The following USP6 variants were observed in gnomAD, a reference collection of about 807,000 sequenced individuals.
The protein encoded by USP6 is ubiquitin carboxyl-terminal hydrolase 6.
In USP6, 128 loss-of-function variants were observed where a neutral mutation model predicts 175.7. The observed-to-expected ratio is 0.73, with a 90% CI of 0.63 to 0.84. The LOEUF is 0.84. USP6 is among the 40% of genes least tolerant of loss of function. The pLI is 0.00. For synonymous variants in USP6, 562 were observed against 630.6 expected, an observed-to-expected ratio of 0.89 and a Z score of 1.63; for missense variants, 1,498 against 1,760.3, an observed-to-expected ratio of 0.85 and a Z score of 2.67.
intron 31 of USP6, among the ~76,000 whole-genome samples, chr17:5,160,611 T>G (rs2073986048): frequency 6.6e-6 from 1 of 152,258 alleles, no homozygotes; most frequent in Non-Finnish European, 1.5e-5. Context: ...CCACATTTTC[T>G]TAATCCAGTC....
At chr17:5,140,251 G>A (rs999034156) in intron 22 of USP6, among the ~76,000 whole-genome samples, 15 of 152,136 alleles carry the variant, frequency 9.9e-5, no homozygotes, top group African/African-American at 3.4e-4. Flanking sequence ...TAATAATGAC[G>A]TTTTGTAATA....
rs1051969186 is a variant in USP6 at position 5,142,580 on chromosome 17, G to A, written c.1818+78G>A. On this transcript the variant is annotated intron_variant, in intron 25 of 37. Coordinates refer to ENST00000574788, the MANE Select transcript of USP6 (RefSeq NM_001304284.2). The stretch of plus-strand genomic sequence containing the variant: ...TCATTTTTCTCTACTTGTTTTTTGT[G>A]TTTAGCCTTTTAGCTTAATGAACGT... 2.0e-6 allele frequency: 3 copies of A among 1,498,940 alleles called. No individual in the cohort carries two copies. The African/African-American group carries it at 4.2e-5, about 21-fold the overall frequency. The allele number at this position is 1,498,940 out of a possible 1,614,324, so 92.9% of individuals were successfully genotyped here.
chr17:5,162,465 G>A (rs1320788056), intron 32 of USP6, among the ~76,000 whole-genome samples: 1 of 152,098 alleles, frequency 6.6e-6, no homozygotes, highest in African/African-American at 2.4e-5. Context: ...ACTTTTATAT[G>A]CATTTATTTA....
In USP6 at chr17:5,128,934, C is replaced by T. The variant is rs1346152556; in HGVS notation, c.-337-18C>T. On this transcript the variant is annotated intron_variant, in intron 7 of 37. Coordinates refer to ENST00000574788, the MANE Select transcript of USP6 (RefSeq NM_001304284.2). ...TTCATCAGAATCAGGTGAGTGTGAC[C>T]TGCTCTCTTCCCTCCAGGCTGACTT... 6 of 152,724 alleles carry T rather than the reference C, an allele frequency of 3.9e-5. No individual in the cohort carries two copies. Among genetic ancestry groups the T allele is most frequent in the Non-Finnish European group, 8.8e-5 (6 of 68,096 alleles). 9.5% of individuals were successfully genotyped at this position (152,724 alleles called of 1,614,324 possible). A position where few individuals can be genotyped will look rare whatever the true frequency, so the allele number is the denominator to read the frequency against.
At chr17:5,158,977 TTGA>T (rs1323477440) in intron 31 of USP6, among the ~76,000 whole-genome samples, 3 of 152,136 alleles carry the variant, frequency 2.0e-5, no homozygotes, top group Non-Finnish European at 2.9e-5. Flanking sequence ...TGGCCTGGAG[TTGA>T]TGATTTTTAT....
chr17:5,162,392 C>T (rs1186183594), intron 32 of USP6, among the ~76,000 whole-genome samples: 1 of 152,174 alleles, frequency 6.6e-6, no homozygotes, highest in Non-Finnish European at 1.5e-5. Flanking sequence ...AGGTGATCCA[C>T]CCACCTCAGC....
chr17:5,143,636 C>G (rs2073521037), intron 25 of USP6, among the ~76,000 whole-genome samples: 1 of 151,972 alleles, frequency 6.6e-6, no homozygotes, highest in Non-Finnish European at 1.5e-5. Context: ...GCAGGGTCCT[C>G]TGCCTAGGAA....
intron 6 of USP6, 36 bp from the exon 7 acceptor site, chr17:5,127,468 C>T (rs886780018): frequency 2.6e-5 from 4 of 152,244 alleles, no homozygotes; most frequent in African/African-American, 4.8e-5. Flanking sequence ...AACTGGACAA[C>T]GTGAACTTGT....
intron 4 of USP6, among the ~76,000 whole-genome samples, chr17:5,124,342 G>A (rs926224065): frequency 3.9e-5 from 6 of 152,038 alleles, no homozygotes; most frequent in Admixed American, 2.0e-4. Flanking sequence ...CCACATAATC[G>A]GGTCACTAAA....
chr17:5,143,399 G>T (rs1305094503), intron 25 of USP6, among the ~76,000 whole-genome samples: 1 of 152,192 alleles, frequency 6.6e-6, no homozygotes, highest in African/African-American at 2.4e-5. Context: ...TTTTCATTTT[G>T]TTCTGTACTA....
At chr17:5,143,751 T>TA (rs530283221) in intron 25 of USP6, among the ~76,000 whole-genome samples, 1,407 of 111,768 alleles carry the variant, frequency 0.013, 7 homozygotes, top group African/African-American at 0.022. Flanking sequence ...GAATGATCAA[T>TA]AAAAAAAAAA....
intron 17 of USP6, 110 bp from the exon 18 acceptor site, chr17:5,136,530 G>A (rs1567785353): frequency 1.5e-6 from 2 of 1,354,342 alleles, no homozygotes; most frequent in East Asian, 2.3e-5. Context: ...AGATGGGAGG[G>A]CGGGAGGCCT....
chr17:5,129,495 C>T (rs2072994075), intron 8 of USP6: 1 of 152,558 alleles, frequency 6.6e-6, no homozygotes, highest in East Asian at 1.9e-4. Context: ...TGAAGGAGCC[C>T]TGGAGAGCTG....
rs145087393 is a variant in USP6, at chr17:5,138,198, G to A, written c.1003G>A (p.Asp335Asn). ...ATTCTTCGATACCTGGGCCATGAAC[G>A]ATGACACCGTGCTCAAGCATCTTAG... ...NQFFDTWAMNDDTVLKHLRAS... is the reference protein window; with the variant it reads ...NQFFDTWAMNNDTVLKHLRAS... Residue 335 changes from aspartate to asparagine, a missense_variant, in exon 21 of 38, where the codon GAT becomes AAT. Transcript: ENST00000574788. 741 of 1,613,960 alleles carry A rather than the reference G, an allele frequency of 4.6e-4. 2 individuals are homozygous for A. Among genetic ancestry groups the A allele is most frequent in the Non-Finnish European group, 5.5e-4 (652 of 1,180,004 alleles).
rs1177664794 is a variant in USP6, at chr17:5,139,342, C to T, written c.1166C>T (p.Pro389Leu). 6.2e-6 allele frequency: 10 copies of T among 1,612,698 alleles called. No individual in the cohort carries two copies. The highest frequency in any genetic ancestry group is 1.7e-4 in the Middle Eastern group (1 of 5,842). ...KTLCKGYRQA[P>L]PGPPAQFQRP... is the part of the protein sequence containing the mutation. The stretch of plus-strand genomic sequence containing the variant: ...CTCTGCAAGGGGTATAGGCAGGCCC[C>T]TCCAGGCCCACCAGCCCAGTTCCAG... Residue 389 changes from proline (P) to leucine (L), a missense_variant, in exon 22 of 38, where the codon CCT (proline) becomes CTT (leucine). Pro to Leu is a moderately conservative substitution (Grantham distance 98, BLOSUM62 -3). This residue lies in a region of USP6 where 1,217 missense variants were observed against 1,500.8 expected (regional missense o/e 0.81). Coordinates refer to ENST00000574788, the MANE Select transcript of USP6 (RefSeq NM_001304284.2).
chr17:5,161,689 A>G, intron 32 of USP6, 75 bp downstream of exon 32: 3 of 1,510,208 alleles, frequency 2.0e-6, no homozygotes, highest in Non-Finnish European at 2.7e-6. Flanking sequence ...TAAGATTTCC[A>G]ATTTTGAGAA....
intron 1 of USP6, among the ~76,000 whole-genome samples, chr17:5,117,345 CT>C (rs1022184760): frequency 6.6e-5 from 10 of 151,822 alleles, no homozygotes; most frequent in African/African-American, 2.4e-4. Flanking sequence ...GTGAAACCCC[CT>C]CTCTACAAAA....
intron 33 of USP6, 43 bp downstream of exon 33, chr17:5,163,047 G>A: frequency 6.6e-7 from 1 of 1,504,658 alleles, no homozygotes; most frequent in Non-Finnish European, 8.8e-7. Flanking sequence ...TTTTATATGG[G>A]AAATTTCCCC....
chr17:5,137,742 T>C lies in USP6; in HGVS notation c.917T>C (p.Val306Ala). The change falls in exon 20 of 38, where the codon GTT (valine) becomes GCT (alanine). Residue 306 changes from valine to alanine, a missense_variant. This residue lies in a region of USP6 where 1,217 missense variants were observed against 1,500.8 expected (regional missense o/e 0.81). Coordinates refer to ENST00000574788, the MANE Select transcript of USP6 (RefSeq NM_001304284.2). ...LMPITSIALK[V>A]QQKRLMKTSR... ...CCAATAACCAGCATTGCTCTTAAGG[T>C]TCAGCAGAGTAAGTCTACGTGTGCC... 6.2e-7 allele frequency: 1 copy of C among 1,607,908 alleles called. No homozygotes were observed. Among genetic ancestry groups the C allele is most frequent in the Middle Eastern group, 1.7e-4 (1 of 6,020 alleles).
Sources: allele counts gnomAD v4.1 joint callset (sites outside exome capture counted in the v4.1 genomes callset), GRCh38; gene constraint gnomAD v4.1.1; regional missense constraint gnomAD v4.1.1; transcripts MANE v1.5; gene names NCBI Gene and HGNC (gene_info 2026-07-23, HGNC 2026-07-21).